NDUFS1: variants seen among roughly 807,000 people sequenced by gnomAD.
The protein encoded by NDUFS1 is NADH-ubiquinone oxidoreductase 75 kDa subunit, mitochondrial.
NDUFS1 carries 61 observed loss-of-function variants against 84.4 expected under a neutral mutation model. That is an observed-to-expected ratio of 0.72 (90% CI 0.59 to 0.89). The LOEUF (loss-of-function observed/expected upper bound fraction) is 0.89. Ranked by LOEUF, NDUFS1 falls within the 40% of genes least tolerant of loss-of-function variation. The pLI, the probability that NDUFS1 is intolerant of heterozygous loss-of-function variation, is 0.00. For synonymous variants in NDUFS1, 275 were observed against 290.0 expected, an observed-to-expected ratio of 0.95 and a Z score of 0.53; for missense variants, 891 against 890.0, an observed-to-expected ratio of 1.00 and a Z score of -0.01.
chr2:206,146,759 C>T (rs992813947), intron 8 of NDUFS1, 144 bp downstream of exon 8: 2 of 725,284 alleles, frequency 2.8e-6, no homozygotes, highest in African/African-American at 1.8e-5. Flanking sequence ...TAACTACTTA[C>T]CTTCTATTTA....
chr2:206,124,622 G>A (rs1326241451), intron 18 of NDUFS1, among the ~76,000 whole-genome samples: 2 of 151,946 alleles, frequency 1.3e-5, no homozygotes, highest in Non-Finnish European at 2.9e-5. Context: ...GGTGGATCAC[G>A]AGGTCAGGAG....
At chr2:206,136,814 G>C (rs532152374) in intron 13 of NDUFS1, among the ~76,000 whole-genome samples, 1 of 151,212 alleles carries the variant, frequency 6.6e-6, no homozygotes, top group African/African-American at 2.4e-5. Context: ...GGAGTGCAAT[G>C]GTGCAATCTT....
intron 2 of NDUFS1, 104 bp from the exon 3 acceptor site, chr2:206,152,614 T>G: frequency 5.4e-6 from 5 of 932,840 alleles, no homozygotes; most frequent in Non-Finnish European, 8.7e-6. Context: ...TTTTCATTCC[T>G]TATTATTCCT....
At chr2:206,158,703 G>C (rs1388387260) in intron 1 of NDUFS1, among the ~76,000 whole-genome samples, 1 of 152,234 alleles carries the variant, frequency 6.6e-6, no homozygotes, top group East Asian at 1.9e-4. Flanking sequence ...TGTGAACAGA[G>C]TTGTGTCTGA....
intron 14 of NDUFS1, among the ~76,000 whole-genome samples, chr2:206,130,858 C>T (rs188570698): frequency 6.6e-6 from 1 of 151,888 alleles, no homozygotes; most frequent in East Asian, 1.9e-4. Flanking sequence ...TAAAGTAAGA[C>T]ATAAAACATG....
intron 1 of NDUFS1, among the ~76,000 whole-genome samples, chr2:206,158,520 C>G (rs1287074716): frequency 6.6e-6 from 1 of 152,226 alleles, no homozygotes; most frequent in Non-Finnish European, 1.5e-5. Context: ...GTTAAGTGAA[C>G]TGAATCTCTA....
intron 18 of NDUFS1, among the ~76,000 whole-genome samples, chr2:206,125,718 T>C (rs1029142180): frequency 6.6e-6 from 1 of 151,682 alleles, no homozygotes; most frequent in Non-Finnish European, 1.5e-5. Context: ...AGTAAACTCA[T>C]GTCACAGGGA....
chr2:206,132,905 T>G (rs1245109649), intron 14 of NDUFS1, 40 bp downstream of exon 14: 2 of 1,551,090 alleles, frequency 1.3e-6, no homozygotes, highest in African/African-American at 1.4e-5. Context: ...TACACAACAT[T>G]ACTTGAATTT....
Position 206,126,813 on chromosome 2 carries a change from A to G in NDUFS1, c.1916T>C (p.Leu639Pro). ...TTCCAATCTGTTCCTTACTTGATCC[A>G]GAGTATCATATGGAAGAGTCATTCC... Reference protein sequence around the residue: ...IAGMTLPYDTLDQVRNRLEEV... With the variant: ...IAGMTLPYDTPDQVRNRLEEV... Residue 639 changes from leucine to proline, a missense_variant, in exon 17 of 19, where the codon CTG becomes CCG. Physicochemically the swap from Leu to Pro is moderately conservative, Grantham distance 98 (BLOSUM62 -3). Coordinates refer to ENST00000233190, the MANE Select transcript of NDUFS1 (RefSeq NM_005006.7). 6.2e-7 allele frequency: 1 copy of G among 1,614,208 alleles called. No homozygotes were observed. The highest frequency in any genetic ancestry group is 8.5e-7 in the Non-Finnish European group (1 of 1,180,042).
intron 10 of NDUFS1, 67 bp downstream of exon 10, chr2:206,143,951 C>G (rs200716719): frequency 7.7e-6 from 10 of 1,296,040 alleles, no homozygotes; most frequent in Non-Finnish European, 1.1e-5. Context: ...TACATCCCCC[C>G]CTTCATGGCA....
chr2:206,126,460 G>T, intron 18 of NDUFS1, 79 bp downstream of exon 18: 1 of 1,289,396 alleles, frequency 7.8e-7, no homozygotes, highest in Non-Finnish European at 1.1e-6. Flanking sequence ...ATCACAAATT[G>T]GAATTATAAC....
intron 1 of NDUFS1, among the ~76,000 whole-genome samples, chr2:206,154,496 G>C (rs1377978390): frequency 6.6e-6 from 1 of 152,234 alleles, no homozygotes; most frequent in Non-Finnish European, 1.5e-5. Context: ...AGTGTCAACA[G>C]TGCTGAAGTT....
At position 206,153,776 on chromosome 2, in the gene NDUFS1, A is replaced by G. The variant is rs530711615; in HGVS notation, c.-4-94T>C. On this transcript the variant is annotated intron_variant, in intron 1 of 18. Coordinates refer to ENST00000233190, the MANE Select transcript of NDUFS1 (RefSeq NM_005006.7). ...TATGGCTTTAAATTATTTCACATAC[A>G]TTATGTCATTGAACACTCATAGGTT... 1.1e-5 allele frequency: 8 copies of G among 708,520 alleles called. No homozygotes were observed. In the South Asian group the frequency reaches 1.3e-4, roughly 12 times the overall value. 43.9% of individuals were successfully genotyped at this position (708,520 alleles called of 1,614,324 possible). A position where few individuals can be genotyped will look rare whatever the true frequency, so the allele number is the denominator to read the frequency against.
chr2:206,159,167 G>C (rs759869460), intron 1 of NDUFS1, 174 bp downstream of exon 1: 80 of 1,535,292 alleles, frequency 5.2e-5, no homozygotes, highest in Non-Finnish European at 6.0e-5. Flanking sequence ...AGAGACCGTG[G>C]CTAAAAGCCC....
intron 14 of NDUFS1, among the ~76,000 whole-genome samples, chr2:206,132,482 G>A (rs541564391): frequency 1.3e-5 from 2 of 152,232 alleles, no homozygotes; most frequent in African/African-American, 4.8e-5. Context: ...TTAATACTTG[G>A]GAGGCAGGGG....
At chr2:206,146,145 T>C (rs1322351181) in intron 8 of NDUFS1, among the ~76,000 whole-genome samples, 3 of 152,168 alleles carry the variant, frequency 2.0e-5, no homozygotes, top group African/African-American at 7.2e-5. Context: ...GTGTTTGAAG[T>C]ACAATTATAC....
chr2:206,147,478 CTAT>C (rs1692197553), intron 7 of NDUFS1, 50 bp downstream of exon 7: 1 of 1,518,994 alleles, frequency 6.6e-7, no homozygotes, highest in African/African-American at 1.4e-5. Context: ...CAAATTGTGA[CTAT>C]TAAGTATACA....
intron 12 of NDUFS1, among the ~76,000 whole-genome samples, chr2:206,141,455 C>T (rs1691946160): frequency 6.6e-6 from 1 of 151,868 alleles, no homozygotes; most frequent in African/African-American, 2.4e-5. Flanking sequence ...TGGCGTGAAC[C>T]CGGGAGGCGG....
intron 14 of NDUFS1, among the ~76,000 whole-genome samples, chr2:206,132,322 G>A (rs1347619454): frequency 6.6e-6 from 1 of 151,744 alleles, no homozygotes; most frequent in East Asian, 1.9e-4. Context: ...AGTGGCTCAC[G>A]CTTATAATCC....
Sources: gnomAD v4.1 joint callset for allele counts (sites outside exome capture counted in the v4.1 genomes callset) on GRCh38, gnomAD v4.1.1 for gene constraint, MANE v1.5 for transcripts, NCBI Gene and HGNC (gene_info 2026-07-23, HGNC 2026-07-21) for gene names.